Variants in SEMA6D observed in about 807,000 individuals in gnomAD.
The protein encoded by SEMA6D is semaphorin-6D.
In SEMA6D, 35 loss-of-function variants were observed where a neutral mutation model predicts 106.6. The observed-to-expected ratio is 0.33, with a 90% CI of 0.25 to 0.44. SEMA6D has a LOEUF of 0.44. Ranked by LOEUF, SEMA6D falls within the 20% of genes least tolerant of loss-of-function variation. The pLI, the probability that SEMA6D is intolerant of heterozygous loss-of-function variation, is 1.00. For missense variants in SEMA6D, 1,185 were observed against 1,345.9 expected (o/e 0.88, Z 1.87); for synonymous variants, 499 against 487.7 (o/e 1.02, Z -0.31).
chr15:47,590,024 C>G (rs977801353), intron 3 of SEMA6D, among the ~76,000 whole-genome samples: 3 of 152,092 alleles, frequency 2.0e-5, no homozygotes, highest in African/African-American at 7.2e-5. Context: ...AGTCCTAACC[C>G]CCATTGCCTC....
At chr15:47,559,542 T>C (rs1301705994) in intron 3 of SEMA6D, among the ~76,000 whole-genome samples, 4 of 152,092 alleles carry the variant, frequency 2.6e-5, no homozygotes, top group African/African-American at 9.7e-5. Context: ...TAGTAGAAGC[T>C]AATAGGGAGG....
chr15:47,237,278 C>A (rs2032609609), intron 1 of SEMA6D, among the ~76,000 whole-genome samples: 1 of 152,112 alleles, frequency 6.6e-6, no homozygotes, highest in African/African-American at 2.4e-5. Context: ...GGTAAGACAT[C>A]TTGAGGCTCA....
chr15:47,459,312 A>G (rs1191411430), intron 2 of SEMA6D, among the ~76,000 whole-genome samples: 1 of 152,032 alleles, frequency 6.6e-6, no homozygotes, highest in Non-Finnish European at 1.5e-5. Flanking sequence ...CCTCATTCAA[A>G]TTGCTGTCAG....
chr15:47,615,930 A>AT (rs2076998384), intron 4 of SEMA6D, among the ~76,000 whole-genome samples: 2 of 152,204 alleles, frequency 1.3e-5, no homozygotes, highest in East Asian at 3.9e-4. Flanking sequence ...TGAAGAGCAC[A>AT]TTTTTCCTCT....
In SEMA6D at chr15:47,280,011, A is replaced by G. The variant is rs965174765; in HGVS notation, c.-239+95593A>G. 1.3e-4 allele frequency among the ~76,000 whole-genome samples: 20 copies of G among 150,676 alleles called. No individual in the cohort carries two copies. The East Asian group carries it at 1.4e-3, about 10-fold the overall frequency. On this transcript the variant is annotated intron_variant, in intron 1 of 19. Coordinates refer to the SEMA6D transcript ENST00000558014. ...CTCTTTTTTGGTTGTGTCTCTGCCCAGCTTTGGTATCAGGATGATGCTGGC... is the reference window on the plus strand; with the variant it reads ...CTCTTTTTTGGTTGTGTCTCTGCCCGGCTTTGGTATCAGGATGATGCTGGC...
At chr15:47,334,276 T>G (rs1338229935) in intron 1 of SEMA6D, among the ~76,000 whole-genome samples, 2 of 152,146 alleles carry the variant, frequency 1.3e-5, no homozygotes, top group Non-Finnish European at 2.9e-5. Context: ...TCCTTTATAT[T>G]AAACCACTAA....
chr15:47,384,311 T>G (rs1357104567), intron 1 of SEMA6D, among the ~76,000 whole-genome samples: 1 of 152,240 alleles, frequency 6.6e-6, no homozygotes, highest in Non-Finnish European at 1.5e-5. Context: ...GCCTATTCAC[T>G]AGGCAGTCTC....
intron 3 of SEMA6D, among the ~76,000 whole-genome samples, chr15:47,475,745 G>A (rs527486731): frequency 6.6e-6 from 1 of 152,004 alleles, no homozygotes; most frequent in Non-Finnish European, 1.5e-5. Context: ...CTGAAAACAT[G>A]GTATTAAATC....
At chr15:47,456,014 T>C (rs895075643) in intron 2 of SEMA6D, among the ~76,000 whole-genome samples, 2 of 151,992 alleles carry the variant, frequency 1.3e-5, no homozygotes, top group Non-Finnish European at 2.9e-5. Flanking sequence ...TAATAGCTAA[T>C]GTTATTGTGA....
intron 3 of SEMA6D, among the ~76,000 whole-genome samples, chr15:47,573,701 T>A (rs1163080354): frequency 6.6e-6 from 1 of 152,212 alleles, no homozygotes; most frequent in Non-Finnish European, 1.5e-5. Flanking sequence ...CCATGCTGAA[T>A]ATCAATCAGC....
chr15:47,518,523 G>T lies in SEMA6D; in HGVS notation c.-87+47978G>T, dbSNP rs138641412. 1.4e-4 allele frequency among the ~76,000 whole-genome samples: 21 copies of T among 152,292 alleles called. No homozygotes were observed. In the East Asian group the frequency reaches 4.1e-3, roughly 29 times the overall value. On this transcript the variant is annotated intron_variant, in intron 3 of 19. Coordinates refer to the SEMA6D transcript ENST00000558014. ...AAATGGTATAGCCCATTGCTCCTCA[G>T]CTACAAACCTGTATAGCAAGTTACT...
chr15:47,749,669 A>T (rs2081327097), intron 1 of SEMA6D, among the ~76,000 whole-genome samples: 2 of 152,196 alleles, frequency 1.3e-5, no homozygotes, highest in African/African-American at 4.8e-5. Context: ...TGAATTTAAA[A>T]TGCCTATATT....
At chr15:47,437,353 T>A (rs956935689) in intron 2 of SEMA6D, among the ~76,000 whole-genome samples, 21 of 152,082 alleles carry the variant, frequency 1.4e-4, no homozygotes, top group African/African-American at 5.1e-4. Flanking sequence ...AACCTGTGAT[T>A]TTCAGTAGGC....
intron 1 of SEMA6D, among the ~76,000 whole-genome samples, chr15:47,221,830 A>C (rs1422280461): frequency 2.0e-5 from 3 of 152,228 alleles, no homozygotes; most frequent in Non-Finnish European, 4.4e-5. Context: ...TAAAGAAAGC[A>C]CATTTATTCC....
intron 1 of SEMA6D, among the ~76,000 whole-genome samples, chr15:47,232,383 A>G (rs540403063): frequency 6.6e-6 from 1 of 152,082 alleles, no homozygotes; most frequent in South Asian, 2.1e-4. Context: ...GCTGGGTCAT[A>G]TGGTAACTCC....
intron 1 of SEMA6D, among the ~76,000 whole-genome samples, chr15:47,251,685 G>C (rs1169539404): frequency 6.6e-6 from 1 of 152,018 alleles, no homozygotes; most frequent in African/African-American, 2.4e-5. Context: ...AGCAACAACT[G>C]TACCTATAAA....
intron 1 of SEMA6D, among the ~76,000 whole-genome samples, chr15:47,400,457 C>G (rs117319730): frequency 0.11 from 15,754 of 141,998 alleles, 966 homozygotes; most frequent in African/African-American, 0.13. Flanking sequence ...CCACTGCTCT[C>G]CAGCCTGGGA....
chr15:47,333,799 A>G (rs2037441005), intron 1 of SEMA6D, among the ~76,000 whole-genome samples: 1 of 152,214 alleles, frequency 6.6e-6, no homozygotes. Context: ...TGATAGGTAT[A>G]TTGATTTTCA....
chr15:47,257,366 C>A (rs1187145920), intron 1 of SEMA6D, among the ~76,000 whole-genome samples: 1 of 152,072 alleles, frequency 6.6e-6, no homozygotes, highest in African/African-American at 2.4e-5. Flanking sequence ...CAATTCTTTT[C>A]TTTTTCTTTA....
Sources: gnomAD v4.1 joint callset for allele counts (sites outside exome capture counted in the v4.1 genomes callset) on GRCh38, gnomAD v4.1.1 for gene constraint, MANE v1.5 for transcripts, NCBI Gene and HGNC (gene_info 2026-07-23, HGNC 2026-07-21) for gene names.